Variants in ITCH observed in about 807,000 individuals in gnomAD.
ITCH encodes the protein E3 ubiquitin-protein ligase Itchy homolog.
A neutral mutation model predicts 126.8 loss-of-function variants in ITCH; 28 were observed. The observed-to-expected ratio is 0.22, with a 90% CI of 0.16 to 0.30. The LOEUF is 0.30. Ranked by LOEUF, ITCH falls within the 10% of genes least tolerant of loss-of-function variation. The pLI is 1.00. For synonymous variants in ITCH, 342 were observed against 340.0 expected, an observed-to-expected ratio of 1.01 and a Z score of -0.06; for missense variants, 631 against 1,032.4, an observed-to-expected ratio of 0.61 and a Z score of 5.33.
rs56706640 is a variant in ITCH at position 34,495,294 on chromosome 20, A to AATATATAT, written c.2416+2713_2416+2720dup. Among the ~76,000 whole-genome samples the AATATATAT allele has an allele frequency of 2.7e-3, 323 of 120,480 alleles. 1 individual carries two copies. The highest frequency in any genetic ancestry group is 9.4e-3 in the African/African-American group (300 of 31,876). The allele number at this position is 120,480 out of a possible 152,430, so 79.0% of individuals were successfully genotyped here. ...AATAAATAAATAAATAAATAAATAA[A>AATATATAT]ATATATATATATATATATATATACA... On this transcript the variant is annotated intron_variant, in intron 23 of 24. Transcript: ENST00000374864.
rs539399361 is a variant in ITCH at position 34,496,619 on chromosome 20, A to AT, written c.2416+4023dup. On this transcript the variant is annotated intron_variant, in intron 23 of 24. Coordinates refer to ENST00000374864, the MANE Select transcript of ITCH (RefSeq NM_031483.7). ...TCGGGAGTTCAAGACCAGCCTGACC[A>AT]TGGAGAAACCCTGTCTCTACTAAAA... is the stretch of plus-strand genomic sequence containing the variant. 1.2e-3 allele frequency among the ~76,000 whole-genome samples: 188 copies of AT among 152,092 alleles called. 2 individuals are homozygous for AT. Among genetic ancestry groups the AT allele is most frequent in the Non-Finnish European group, 2.3e-3 (154 of 67,962 alleles).
At chr20:34,472,866 G>A (rs1987779569) in intron 16 of ITCH, among the ~76,000 whole-genome samples, 1 of 152,132 alleles carries the variant, frequency 6.6e-6, no homozygotes, top group African/African-American at 2.4e-5. Flanking sequence ...CCCCACCCTA[G>A]TCCTTGCCCA....
At chr20:34,370,896 C>T (rs1278967758) in intron 2 of ITCH, among the ~76,000 whole-genome samples, 2 of 151,958 alleles carry the variant, frequency 1.3e-5, no homozygotes, top group African/African-American at 4.8e-5. Context: ...AGGCTGGGCG[C>T]GGTGGCTCAC....
At chr20:34,394,209 C>CA (rs59876098) in intron 3 of ITCH, among the ~76,000 whole-genome samples, 17,236 of 61,656 alleles carry the variant, frequency 0.28, 2,131 homozygotes, top group South Asian at 0.4. Context: ...GAGACTGTCT[C>CA]AAAAAAAAAA....
chr20:34,487,297 C>T (rs575036862), intron 20 of ITCH, among the ~76,000 whole-genome samples: 23 of 152,318 alleles, frequency 1.5e-4, no homozygotes, highest in African/African-American at 5.5e-4. Context: ...CAGGCATGAG[C>T]CGCCGTGCCC....
intron 12 of ITCH, chr20:34,450,923 A>G (rs913731628): frequency 1.3e-5 from 2 of 152,234 alleles, no homozygotes; most frequent in African/African-American, 4.8e-5. Context: ...CTGTGAGTCA[A>G]AAAGGTAAAA....
At chr20:34,429,018 A>G (rs1199341174) in intron 7 of ITCH, among the ~76,000 whole-genome samples, 6 of 151,872 alleles carry the variant, frequency 4.0e-5, no homozygotes, top group South Asian at 2.1e-4. Flanking sequence ...GCTCACTGCA[A>G]CCTCCACCTC....
chr20:34,381,618 G>A (rs908576490), intron 2 of ITCH, among the ~76,000 whole-genome samples: 5 of 151,998 alleles, frequency 3.3e-5, no homozygotes, highest in Admixed American at 2.6e-4. Context: ...AGTAGAGACG[G>A]GGTTTCACCA....
intron 20 of ITCH, among the ~76,000 whole-genome samples, chr20:34,484,063 G>T (rs936004858): frequency 1.3e-5 from 2 of 152,190 alleles, no homozygotes; most frequent in African/African-American, 4.8e-5. Context: ...CCATGATTCA[G>T]TTATCTCCCA....
At chr20:34,373,766 C>G (rs559597855) in intron 2 of ITCH, among the ~76,000 whole-genome samples, 1 of 152,226 alleles carries the variant, frequency 6.6e-6, no homozygotes, top group South Asian at 2.1e-4. Context: ...AAGAATTCAT[C>G]TACATATTGA....
At position 34,442,322 on chromosome 20, in the gene ITCH, A is replaced by G. The variant is rs1983858833; in HGVS notation, c.965+19A>G. The G allele has an allele frequency of 6.6e-7, 1 of 1,507,856 alleles. No individual in the cohort carries two copies. Among genetic ancestry groups the G allele is most frequent in the African/African-American group, 1.4e-5 (1 of 72,808 alleles). The allele number at this position is 1,507,856 out of a possible 1,614,324, so 93.4% of individuals were successfully genotyped here. A position where few individuals can be genotyped will look rare whatever the true frequency, so the allele number is the denominator to read the frequency against. On this transcript the variant is annotated intron_variant, in intron 10 of 24. Coordinates refer to ENST00000374864, the MANE Select transcript of ITCH (RefSeq NM_031483.7). ...CTCCTGGGTAAGTATCTAAATTTAA[A>G]AAGAATAATTTTATTTAGTCAGAAT...
intron 20 of ITCH, among the ~76,000 whole-genome samples, chr20:34,484,972 A>G (rs976130074): frequency 2.6e-4 from 40 of 152,100 alleles, no homozygotes; most frequent in African/African-American, 9.7e-4. Context: ...GTAGGTAACC[A>G]TTTCTGTTTA....
At chr20:34,459,438 C>A (rs900422244) in intron 13 of ITCH, among the ~76,000 whole-genome samples, 1 of 152,108 alleles carries the variant, frequency 6.6e-6, no homozygotes, top group African/African-American at 2.4e-5. Flanking sequence ...GTCTCTAGTT[C>A]CTCCAGAGGT....
chr20:34,466,414 C>G (rs1210963727), intron 14 of ITCH: 1 of 525,810 alleles, frequency 1.9e-6, no homozygotes, highest in East Asian at 5.5e-5. Flanking sequence ...AAAGATGGTT[C>G]CCTATTACTT....
Position 34,422,833 on chromosome 20 carries a change from C to T in ITCH, c.476-1647C>T, listed in dbSNP as rs569510543. Among the ~76,000 whole-genome samples the T allele has an allele frequency of 4.3e-3, 646 of 151,700 alleles. 6 individuals carry two copies. Among genetic ancestry groups the T allele is most frequent in the African/African-American group, 0.015 (606 of 41,350 alleles). On this transcript the variant is annotated intron_variant, in intron 6 of 24. Coordinates refer to ENST00000374864, the MANE Select transcript of ITCH (RefSeq NM_031483.7). ...TTTTTGAGACGGAGTTTCACTCTGT[C>T]GCCCAGGGTGGAGTGCAGTGGTGTG... is the stretch of plus-strand genomic sequence containing the variant.
intron 12 of ITCH, among the ~76,000 whole-genome samples, chr20:34,456,060 T>C (rs565642962): frequency 6.6e-6 from 1 of 150,578 alleles, no homozygotes; most frequent in South Asian, 2.1e-4. Context: ...GCCTAGCATA[T>C]ACCTTATATT....
At chr20:34,465,766 T>C (rs893862617) in intron 14 of ITCH, among the ~76,000 whole-genome samples, 6 of 152,182 alleles carry the variant, frequency 3.9e-5, no homozygotes, top group Non-Finnish European at 8.8e-5. Flanking sequence ...TGTATGCTGC[T>C]ACTTTCCTGA....
At chr20:34,434,510 T>C (rs1165795762) in intron 7 of ITCH, among the ~76,000 whole-genome samples, 3 of 152,182 alleles carry the variant, frequency 2.0e-5, no homozygotes, top group Non-Finnish European at 4.4e-5. Context: ...CATTAAAAGA[T>C]GTTGGGCAGT....
intron 20 of ITCH, among the ~76,000 whole-genome samples, chr20:34,482,248 A>G (rs1427523942): frequency 1.3e-5 from 2 of 152,204 alleles, no homozygotes; most frequent in African/African-American, 4.8e-5. Context: ...TTCACATTTC[A>G]AAACCAATCA....
Sources: gnomAD v4.1 joint callset for allele counts (sites outside exome capture counted in the v4.1 genomes callset) on GRCh38, gnomAD v4.1.1 for gene constraint, MANE v1.5 for transcripts, NCBI Gene and HGNC (gene_info 2026-07-23, HGNC 2026-07-21) for gene names.